The following SLC11A1 variants were observed in gnomAD, a reference collection of about 807,000 sequenced individuals.
SLC11A1 encodes natural resistance-associated macrophage protein 1.
Under a neutral mutation model 63.2 loss-of-function variants are expected in SLC11A1, and 59 were observed. That is an observed-to-expected ratio of 0.93 (90% CI 0.76 to 1.16). The LOEUF is 1.16. SLC11A1 is among the 50% of genes most tolerant of loss of function. SLC11A1 has a pLI of 0.00. For missense variants in SLC11A1, 688 were observed against 730.7 expected (o/e 0.94, Z 0.67); for synonymous variants, 305 against 307.8 (o/e 0.99, Z 0.09).
At position 218,392,924 on chromosome 2, in the gene SLC11A1, T is replaced by C. The variant is rs1244002246; in HGVS notation, c.1165-57T>C. On this transcript the variant is annotated intron_variant, in intron 11 of 14. Coordinates refer to ENST00000233202, the MANE Select transcript of SLC11A1 (RefSeq NM_000578.4). ...CGGTTGAGGGACTACAGAGGATCTC[T>C]CCTCTGGAATCCCCAGTCCTGTCTA... 5.7e-6 allele frequency: 8 copies of C among 1,409,952 alleles called. No individual in the cohort carries two copies. In the Admixed American group the frequency reaches 1.5e-4, roughly 26 times the overall value. The allele number at this position is 1,409,952 out of a possible 1,614,324, so 87.3% of individuals were successfully genotyped here.
intron 9 of SLC11A1, among the ~76,000 whole-genome samples, chr2:218,390,533 C>T (rs1188011730): frequency 6.6e-6 from 1 of 152,196 alleles, no homozygotes; most frequent in Non-Finnish European, 1.5e-5. Flanking sequence ...CTAACAACTG[C>T]AGCCAGGGTT....
Position 218,384,168 on chromosome 2 carries a change from G to C in SLC11A1, c.151-75G>C, listed in dbSNP as rs1695947341. ...TGATGAGCCTGTTGGGGCTCCTCTA[G>C]GGGATGGCCAAGGCCAGCTGCCACC... On this transcript the variant is annotated intron_variant, in intron 2 of 14. Transcript: ENST00000233202. The surrounding 1 kb of genome is among the most constrained non-coding windows in gnomAD (Gnocchi z 4.0). 4.1e-6 allele frequency: 6 copies of C among 1,472,334 alleles called. No homozygotes were observed. Among genetic ancestry groups the C allele is most frequent in the Middle Eastern group, 2.5e-4 (1 of 3,948 alleles). The allele number at this position is 1,472,334 out of a possible 1,614,324, so 91.2% of individuals were successfully genotyped here.
chr2:218,387,509 T>C, intron 6 of SLC11A1, 56 bp from the exon 7 acceptor site: 1 of 1,572,274 alleles, frequency 6.4e-7, no homozygotes, highest in Non-Finnish European at 8.7e-7. Flanking sequence ...TTACGAATTG[T>C]TGATGTCACA....
At chr2:218,394,013 T>G in intron 12 of SLC11A1, 107 bp from the exon 13 acceptor site, 14 of 1,084,490 alleles carry the variant, frequency 1.3e-5, no homozygotes, top group Non-Finnish European at 1.9e-5. Flanking sequence ...TTAGGGCAGT[T>G]GAGCTCACAC....
In SLC11A1 at chr2:218,383,085, A is replaced by T. The variant is rs757110423; in HGVS notation, c.133A>T (p.Ile45Phe). The T allele has an allele frequency of 6.2e-7, 1 of 1,613,848 alleles. No individual in the cohort carries two copies. Among genetic ancestry groups the T allele is most frequent in the Non-Finnish European group, 8.5e-7 (1 of 1,179,912 alleles). Residue 45 changes from isoleucine to phenylalanine, a missense_variant, in exon 2 of 15, where the codon ATC (isoleucine) becomes TTC (phenylalanine). Coordinates refer to ENST00000233202, the MANE Select transcript of SLC11A1 (RefSeq NM_000578.4). ...RETYLSEKIP[I>F]PDTKPGTFSL... is the part of the protein sequence containing the mutation. The stretch of plus-strand genomic sequence containing the variant: ...GACCTACCTGAGTGAGAAGATCCCC[A>T]TCCCAGACACAAAACCGGTGGGATG...
At chr2:218,386,897 C>G in intron 5 of SLC11A1, 156 bp downstream of exon 5, 1 of 676,988 alleles carries the variant, frequency 1.5e-6, no homozygotes, top group Non-Finnish European at 2.7e-6. Flanking sequence ...AGTGACTTGT[C>G]TAAAGTCACA....
intron 13 of SLC11A1, 74 bp downstream of exon 13, chr2:218,394,267 T>A (rs751933170): frequency 1.2e-4 from 170 of 1,442,028 alleles, no homozygotes; most frequent in Non-Finnish European, 1.2e-4. Flanking sequence ...AGGTACGAGC[T>A]ACAATTCTCC....
Position 218,382,301 on chromosome 2 carries a change from G to A in SLC11A1, c.-68G>A. ...CTTACTTGCACCAGTGCCCAGAGAG[G>A]GGGTGCAGGCTGAGGAGCTGCCCAG... On this transcript the variant is annotated 5_prime_UTR_variant, in exon 1 of 15. Transcript: ENST00000233202. 2 of 1,587,928 alleles carry A rather than the reference G, an allele frequency of 1.3e-6. No homozygotes were observed. The highest frequency in any genetic ancestry group is 1.7e-6 in the Non-Finnish European group (2 of 1,161,120).
At chr2:218,387,461 C>G (rs2106331879) in intron 6 of SLC11A1, 104 bp from the exon 7 acceptor site, 1 of 1,191,798 alleles carries the variant, frequency 8.4e-7, no homozygotes, top group African/African-American at 1.5e-5. Context: ...ATGTTAAGCA[C>G]TTGGCACTGT....
At position 218,384,455 on chromosome 2, in the gene SLC11A1, A is replaced by G. The variant is rs527757609; in HGVS notation, c.273+90A>G. On this transcript the variant is annotated intron_variant, in intron 3 of 14. Transcript: ENST00000233202. The surrounding 1 kb of genome is among the most constrained non-coding windows in gnomAD (Gnocchi z 4.0). ...GGCCCCTGCTGGCCATGTTTCTCCA[A>G]TGTGGCCTGGGAGCTGGTGTTAAGT... 1.1e-4 allele frequency: 155 copies of G among 1,468,044 alleles called. No individual in the cohort carries two copies. Among genetic ancestry groups the G allele is most frequent in the East Asian group, 9.2e-4 (39 of 42,166 alleles). The allele number at this position is 1,468,044 out of a possible 1,614,324, so 90.9% of individuals were successfully genotyped here.
chr2:218,382,431 A>C (rs1695856907), intron 1 of SLC11A1, 56 bp downstream of exon 1: 2 of 1,600,568 alleles, frequency 1.2e-6, no homozygotes, highest in Non-Finnish European at 1.7e-6. Context: ...GGAGGAGATC[A>C]CTAGGCTGGT....
rs1487537783 is a variant in SLC11A1 at position 218,387,902 on chromosome 2, G to A, written c.742G>A (p.Val248Ile). 1 of 1,607,652 alleles carries A rather than the reference G, an allele frequency of 6.2e-7. No individual in the cohort carries two copies. Among genetic ancestry groups the A allele is most frequent in the South Asian group, 1.1e-5 (1 of 90,100 alleles). Residue 248 changes from valine (V) to isoleucine (I), a missense_variant, in exon 8 of 15, where the codon GTT (valine) becomes ATT (isoleucine). Val to Ile is a conservative substitution (Grantham distance 29). Coordinates refer to ENST00000233202, the MANE Select transcript of SLC11A1 (RefSeq NM_000578.4). ...CGAGCTGCTGCAGGCGGTGGGCATT[G>A]TTGGCGCCATCATCATGCCCCACAA... Reference protein sequence around the residue: ...HPELLQAVGIVGAIIMPHNIY... With the variant: ...HPELLQAVGIIGAIIMPHNIY...
chr2:218,385,656 G>C (rs543576434), intron 4 of SLC11A1: 1 of 363,260 alleles, frequency 2.8e-6, no homozygotes, highest in East Asian at 7.3e-5. Context: ...CTCCCAAAGT[G>C]CTGGGATTAC....
intron 2 of SLC11A1, 30 bp downstream of exon 2, chr2:218,383,132 G>A (rs1173015153): frequency 6.2e-6 from 10 of 1,610,386 alleles, no homozygotes; most frequent in Non-Finnish European, 8.5e-6. Flanking sequence ...CTGGGGGCTT[G>A]CAAGATTGAC....
chr2:218,385,119 C>G, intron 3 of SLC11A1, 28 bp from the exon 4 acceptor site: 2 of 1,612,262 alleles, frequency 1.2e-6, no homozygotes, highest in African/African-American at 1.3e-5. Context: ...GCCTCTCTGG[C>G]TGAAGGCCTC....
chr2:218,392,498 C>G (rs1334833127), intron 11 of SLC11A1: 1 of 155,110 alleles, frequency 6.4e-6, no homozygotes, highest in Non-Finnish European at 1.4e-5. Flanking sequence ...CCACACCAGG[C>G]TAATTTTTAA....
At chr2:218,386,111 C>T (rs1185099570) in intron 4 of SLC11A1, among the ~76,000 whole-genome samples, 1 of 152,158 alleles carries the variant, frequency 6.6e-6, no homozygotes, top group Non-Finnish European at 1.5e-5. Context: ...TGCCAGAGTC[C>T]GGGTTGCCTG....
At chr2:218,387,771 G>T (rs752168592) in intron 7 of SLC11A1, 29 bp from the exon 8 acceptor site, 1 of 1,611,454 alleles carries the variant, frequency 6.2e-7, no homozygotes, top group East Asian at 2.2e-5. Flanking sequence ...GAGGGGCGGG[G>T]CTTGTCCTGA....
At chr2:218,394,869 T>G in intron 14 of SLC11A1, 56 bp from the exon 15 acceptor site, 1 of 1,606,474 alleles carries the variant, frequency 6.2e-7, no homozygotes, top group Non-Finnish European at 8.5e-7. Flanking sequence ...GGGGACACAA[T>G]GGGGCTTCCC....
Sources: gnomAD v4.1 joint callset for allele counts (sites outside exome capture counted in the v4.1 genomes callset) on GRCh38, gnomAD v4.1.1 for gene constraint, Gnocchi (gnomAD v3.1) non-coding constraint, MANE v1.5 for transcripts, NCBI Gene and HGNC (gene_info 2026-07-23, HGNC 2026-07-21) for gene names.